Variants in DLG2 observed in about 807,000 individuals in gnomAD.
DLG2 encodes the protein discs large MAGUK scaffold protein 2, also known as disks large homolog 2.
In DLG2, 45 loss-of-function variants were observed where a neutral mutation model predicts 132.5. The observed-to-expected ratio is 0.34, with a 90% CI of 0.27 to 0.44. The LOEUF (loss-of-function observed/expected upper bound fraction) is 0.44, where lower values mean the gene tolerates loss of function less well. Ranked by LOEUF, DLG2 falls within the 20% of genes least tolerant of loss-of-function variation. DLG2 has a pLI of 1.00. For missense variants in DLG2, 1,045 were observed against 1,196.9 expected (o/e 0.87, Z 1.87); for synonymous variants, 424 against 419.6 (o/e 1.01, Z -0.13).
chr11:83,978,623 T>G (rs899696813), intron 12 of DLG2, among the ~76,000 whole-genome samples: 2 of 152,070 alleles, frequency 1.3e-5, no homozygotes, highest in Non-Finnish European at 2.9e-5. Context: ...AAAGTGGTAG[T>G]GGCTTCAGGT....
At chr11:85,389,506 GA>G (rs1265187899) in intron 3 of DLG2, among the ~76,000 whole-genome samples, 2 of 152,044 alleles carry the variant, frequency 1.3e-5, no homozygotes, top group Non-Finnish European at 2.9e-5. Context: ...GAAGCTCAAA[GA>G]ACACCTAGGA....
At chr11:84,653,238 G>C (rs1158291678) in intron 6 of DLG2, among the ~76,000 whole-genome samples, 3 of 152,082 alleles carry the variant, frequency 2.0e-5, no homozygotes, top group Non-Finnish European at 4.4e-5. Context: ...CCCAATATTA[G>C]ATTTTTAATA....
intron 7 of DLG2, among the ~76,000 whole-genome samples, chr11:84,354,683 C>T (rs2098600427): frequency 1.3e-5 from 2 of 152,234 alleles, no homozygotes; most frequent in South Asian, 4.1e-4. Context: ...TACCACTTTA[C>T]ATCACACCAG....
intron 6 of DLG2, among the ~76,000 whole-genome samples, chr11:84,663,244 TA>T (rs778222393): frequency 0.14 from 11,810 of 81,522 alleles, 594 homozygotes; most frequent in Admixed American, 0.25. Flanking sequence ...TATATATATA[TA>T]TATATTTTTT....
chr11:85,262,466 C>T (rs1053866160), intron 4 of DLG2, among the ~76,000 whole-genome samples: 1 of 152,056 alleles, frequency 6.6e-6, no homozygotes, highest in Non-Finnish European at 1.5e-5. Context: ...AAGAAACCAC[C>T]CGTACTTCCA....
intron 6 of DLG2, among the ~76,000 whole-genome samples, chr11:85,098,482 G>T (rs1379205765): frequency 6.6e-6 from 1 of 152,098 alleles, no homozygotes; most frequent in Non-Finnish European, 1.5e-5. Context: ...ACTGCTTTTG[G>T]ACAAAGATTT....
chr11:84,141,074 A>C (rs2094823040), intron 9 of DLG2, among the ~76,000 whole-genome samples: 1 of 152,168 alleles, frequency 6.6e-6, no homozygotes, highest in African/African-American at 2.4e-5. Context: ...TTAGAATATA[A>C]GGTCCAAACT....
intron 3 of DLG2, among the ~76,000 whole-genome samples, chr11:85,449,300 A>G (rs1011627655): frequency 6.6e-6 from 1 of 152,086 alleles, no homozygotes. Flanking sequence ...AATGGGTGAT[A>G]TCAGCTCTTG....
intron 7 of DLG2, chr11:84,317,109 GGCTGCAGCTGTGTT>G: frequency 6.2e-7 from 1 of 1,612,764 alleles, no homozygotes; most frequent in South Asian, 1.1e-5. Flanking sequence ...TCGGACCCCC[GGCTGCAGCTGTGTT>G]GCTTGGTGAG....
At chr11:84,596,848 A>G (rs2099560670) in intron 6 of DLG2, among the ~76,000 whole-genome samples, 1 of 152,210 alleles carries the variant, frequency 6.6e-6, no homozygotes, top group African/African-American at 2.4e-5. Context: ...ATATCAAAAT[A>G]CTATTTCTAA....
At chr11:84,113,284 C>A (rs2093459079) in intron 9 of DLG2, among the ~76,000 whole-genome samples, 2 of 152,116 alleles carry the variant, frequency 1.3e-5, no homozygotes, top group Admixed American at 1.3e-4. Flanking sequence ...TAAAACACTT[C>A]CATTGTATAG....
At chr11:85,108,313 A>G (rs2072143312) in intron 6 of DLG2, among the ~76,000 whole-genome samples, 1 of 152,096 alleles carries the variant, frequency 6.6e-6, no homozygotes, top group African/African-American at 2.4e-5. Context: ...AATTTGAAAA[A>G]TATACAAGGA....
intron 6 of DLG2, among the ~76,000 whole-genome samples, chr11:85,003,485 T>C (rs1470601973): frequency 2.0e-5 from 3 of 152,202 alleles, no homozygotes; most frequent in Non-Finnish European, 4.4e-5. Flanking sequence ...TTTGGTTTAA[T>C]ATTTGTATAG....
chr11:84,138,338 T>C (rs957051728), intron 9 of DLG2, among the ~76,000 whole-genome samples: 6 of 152,300 alleles, frequency 3.9e-5, no homozygotes, highest in Admixed American at 1.3e-4. Flanking sequence ...GAGTGATGCA[T>C]AGGTTGTCCA....
At chr11:84,839,960 C>T (rs1196621322) in intron 6 of DLG2, among the ~76,000 whole-genome samples, 2 of 152,064 alleles carry the variant, frequency 1.3e-5, no homozygotes, top group Non-Finnish European at 2.9e-5. Flanking sequence ...ACACCAAAAG[C>T]AATGGCAACA....
chr11:84,504,957 T>A (rs1163593249), intron 7 of DLG2, among the ~76,000 whole-genome samples: 6 of 152,164 alleles, frequency 3.9e-5, no homozygotes, highest in Non-Finnish European at 7.4e-5. Flanking sequence ...CGTATTGCTA[T>A]GTAATATTAT....
chr11:83,879,790 T>C (rs2065698775), intron 15 of DLG2, among the ~76,000 whole-genome samples: 1 of 152,182 alleles, frequency 6.6e-6, no homozygotes, highest in African/African-American at 2.4e-5. Context: ...GACTCTTTCA[T>C]TCCTCAATAT....
At chr11:83,794,220 C>G (rs1330191296) in intron 17 of DLG2, among the ~76,000 whole-genome samples, 1 of 152,166 alleles carries the variant, frequency 6.6e-6, no homozygotes, top group Non-Finnish European at 1.5e-5. Context: ...TCATATTGCC[C>G]TTGTTCCTGT....
chr11:84,432,074 G>C (rs1299870006), intron 7 of DLG2, among the ~76,000 whole-genome samples: 2 of 152,200 alleles, frequency 1.3e-5, no homozygotes, highest in Non-Finnish European at 2.9e-5. Flanking sequence ...GAAAAATGAA[G>C]ATAATTACAA....
Sources: gnomAD v4.1 joint callset for allele counts (sites outside exome capture counted in the v4.1 genomes callset) on GRCh38, gnomAD v4.1.1 for gene constraint, MANE v1.5 for transcripts, NCBI Gene and HGNC (gene_info 2026-07-23, HGNC 2026-07-21) for gene names.